HKDC1: variants seen among roughly 807,000 people sequenced by gnomAD.
HKDC1 encodes hexokinase domain containing 1, also known as hexokinase HKDC1.
In HKDC1, 66 loss-of-function variants were observed where a neutral mutation model predicts 96.6. The observed-to-expected ratio is 0.68, with a 90% CI of 0.56 to 0.84. The LOEUF is 0.84. Ranked by LOEUF, HKDC1 falls within the 40% of genes least tolerant of loss-of-function variation. The probability of loss-of-function intolerance (pLI) is 0.00; values close to 1 mark genes in which losing one functional copy is unlikely to be tolerated. For missense variants in HKDC1, 1,211 were observed against 1,208.1 expected, an observed-to-expected ratio of 1.00 and a Z score of -0.04; for synonymous variants, 466 against 473.1, an observed-to-expected ratio of 0.98 and a Z score of 0.20.
At chr10:69,251,087 C>CTTTTTTTTTTTTTTTTTTTTTTTTTT (rs869084452) in intron 12 of HKDC1, among the ~76,000 whole-genome samples, 1 of 92,690 alleles carries the variant, frequency 1.1e-5, no homozygotes, top group Non-Finnish European at 2.1e-5. Flanking sequence ...AAATACATTT[C>CTTTTTTTTTTTTTTTTTTTTTTTTTT]TTTTTTTTTT....
chr10:69,256,124 G>A (rs767907892), intron 12 of HKDC1, among the ~76,000 whole-genome samples: 7 of 152,092 alleles, frequency 4.6e-5, no homozygotes, highest in Non-Finnish European at 8.8e-5. Context: ...GTGTATATGT[G>A]TGTATGAGTG....
chr10:69,265,826 C>T lies in HKDC1; in HGVS notation c.2606+8C>T, dbSNP rs1380214404. Reference sequence around the variant, plus strand: ...GTACAAGCTGCACCCTCAGTGAGTGCCCACAAGAGGCGTGGCGGGTGGGGC... The same window carrying T: ...GTACAAGCTGCACCCTCAGTGAGTGTCCACAAGAGGCGTGGCGGGTGGGGC... On this transcript the variant is annotated splice_region_variant and intron_variant, in intron 17 of 17. Coordinates refer to ENST00000354624, the MANE Select transcript of HKDC1 (RefSeq NM_025130.4). 1.2e-6 allele frequency: 2 copies of T among 1,601,292 alleles called. No homozygotes were observed. The highest frequency in any genetic ancestry group is 8.5e-7 in the Non-Finnish European group (1 of 1,170,870).
rs1843579555 is a variant in HKDC1 at position 69,248,484 on chromosome 10, C to T, written c.1326C>T (p.Phe442=). Residue 442 remains phenylalanine (F), a synonymous_variant, in exon 10 of 18, where the codon TTC becomes TTT. Transcript: ENST00000354624. ...TGGTCCCAAGCTGTGATGTCCGCTT[C>T]CTCCTGTCAGAGAGTGGCAGCACCA... ...RKLVPSCDVR[F]LLSESGSTKG... is the part of the protein sequence containing the mutation. 1 of 1,607,628 alleles carries T rather than the reference C, an allele frequency of 6.2e-7. No individual in the cohort carries two copies. The highest frequency in any genetic ancestry group is 1.3e-5 in the African/African-American group (1 of 74,844).
chr10:69,231,059 A>G (rs991132431), intron 2 of HKDC1, among the ~76,000 whole-genome samples: 3 of 152,148 alleles, frequency 2.0e-5, no homozygotes, highest in African/African-American at 7.2e-5. Flanking sequence ...TGTGGCATCC[A>G]TGAAATGGCA....
chr10:69,257,687 G>A lies in HKDC1; in HGVS notation c.2032+261G>A, dbSNP rs531829706. The stretch of plus-strand genomic sequence containing the variant: ...AAGGACCTTGGGGCCAATTGTCATG[G>A]GGGGGGGAAGGAGACTACAGTTGGA... On this transcript the variant is annotated intron_variant, in intron 14 of 17. Transcript: ENST00000354624. 7.8e-5 allele frequency among the ~76,000 whole-genome samples: 11 copies of A among 141,168 alleles called. No individual in the cohort carries two copies. In the East Asian group the frequency reaches 1.9e-3, roughly 25 times the overall value. The allele number at this position is 141,168 out of a possible 152,430, so 92.6% of individuals were successfully genotyped here.
chr10:69,239,227 C>T lies in HKDC1; in HGVS notation c.591+90C>T, dbSNP rs116451705. On this transcript the variant is annotated intron_variant, in intron 5 of 17. Transcript: ENST00000354624. ...GGCTGGGGGTGAGGTGAGGGGGTCA[C>T]ATATGGTGCCTGCATGGAGGGAGAA... 119 of 825,738 alleles carry T rather than the reference C, an allele frequency of 1.4e-4. 1 individual carries two copies. In the African/African-American group the frequency reaches 1.9e-3, roughly 13 times the overall value. The allele number at this position is 825,738 out of a possible 1,614,324, so 51.2% of individuals were successfully genotyped here. A position where few individuals can be genotyped will look rare whatever the true frequency, so the allele number is the denominator to read the frequency against.
intron 4 of HKDC1, among the ~76,000 whole-genome samples, chr10:69,235,380 C>G (rs1261511881): frequency 6.6e-6 from 1 of 152,184 alleles, no homozygotes; most frequent in African/African-American, 2.4e-5. Context: ...TGAGATCACG[C>G]CACTGCATTC....
At chr10:69,262,191 A>C in intron 16 of HKDC1, 1 of 307,512 alleles carries the variant, frequency 3.3e-6, no homozygotes, top group South Asian at 2.7e-5. Context: ...TCTTTGGTGT[A>C]ATTATCATTT....
At chr10:69,240,030 G>A (rs527512135) in intron 5 of HKDC1, among the ~76,000 whole-genome samples, 1 of 152,324 alleles carries the variant, frequency 6.6e-6, no homozygotes, top group African/African-American at 2.4e-5. Flanking sequence ...CCATACATGG[G>A]GAAGACTTGG....
rs1843877855 is a variant in HKDC1 at position 69,265,322 on chromosome 10, G to T, written c.2373-263G>T. On this transcript the variant is annotated intron_variant, in intron 16 of 17. Coordinates refer to ENST00000354624, the MANE Select transcript of HKDC1 (RefSeq NM_025130.4). Reference sequence around the variant, plus strand: ...TGTGTTGGTTGCTGCAGCTCATATGGCTTCTAGTGAGATCACAGATATGAA... The same window carrying T: ...TGTGTTGGTTGCTGCAGCTCATATGTCTTCTAGTGAGATCACAGATATGAA... 6 of 455,438 alleles carry T rather than the reference G, an allele frequency of 1.3e-5. 1 individual carries two copies. Among genetic ancestry groups the T allele is most frequent in the Non-Finnish European group, 7.8e-6 (2 of 256,496 alleles). 28.2% of individuals were successfully genotyped at this position (455,438 alleles called of 1,614,324 possible).
chr10:69,227,202 T>C lies in HKDC1; in HGVS notation c.64-5T>C. ...GCACCCCTTGGTGGCCGGTGTCTGT[T>C]CCAGGTGGACAGGTTCCTGTATCAC... On this transcript the variant is annotated splice_polypyrimidine_tract_variant and splice_region_variant and intron_variant, in intron 1 of 17. Transcript: ENST00000354624. 6.2e-7 allele frequency: 1 copy of C among 1,614,062 alleles called. No individual in the cohort carries two copies. Among genetic ancestry groups the C allele is most frequent in the Non-Finnish European group, 8.5e-7 (1 of 1,179,958 alleles).
intron 4 of HKDC1, among the ~76,000 whole-genome samples, chr10:69,237,254 G>A (rs1005501688): frequency 2.0e-5 from 3 of 150,378 alleles, no homozygotes; most frequent in Admixed American, 6.7e-5. Context: ...GGAACAGAAA[G>A]TCTTAACCAA....
chr10:69,233,110 T>A lies in HKDC1; in HGVS notation c.472T>A (p.Cys158Ser). 6.2e-7 allele frequency: 1 copy of A among 1,614,098 alleles called. No individual in the cohort carries two copies. The change falls in exon 4 of 18, where the codon TGT becomes AGT. Residue 158 changes from cysteine to serine, a missense_variant. Coordinates refer to ENST00000354624, the MANE Select transcript of HKDC1 (RefSeq NM_025130.4). ...LPLGLTFSFPCRQTKLEEGVL... is the reference protein window; with the variant it reads ...LPLGLTFSFPSRQTKLEEGVL... The stretch of plus-strand genomic sequence containing the variant: ...CCTTGGCCTAACTTTTTCTTTCCCC[T>A]GTCGACAGACTAAACTGGAAGAGGT...
intron 17 of HKDC1, 58 bp downstream of exon 17, chr10:69,265,876 G>A: frequency 7.8e-7 from 1 of 1,280,070 alleles, no homozygotes; most frequent in Non-Finnish European, 1.1e-6. Flanking sequence ...GGCCAAGTGT[G>A]GACTTGGCAT....
At chr10:69,262,756 A>G (rs1384707763) in intron 16 of HKDC1, among the ~76,000 whole-genome samples, 1 of 152,200 alleles carries the variant, frequency 6.6e-6, no homozygotes, top group African/African-American at 2.4e-5. Context: ...GGTGTAAATT[A>G]GCAAGTGTTC....
rs1431383212 is a variant in HKDC1, at chr10:69,227,380, T to C, written c.226+11T>C. On this transcript the variant is annotated intron_variant, in intron 2 of 17. Transcript: ENST00000354624. ...TTCCCGATGGTTCCGGTGAGTGCAG[T>C]TGTCCGCTGCCAGGGTCCCTGGCTC... The C allele has an allele frequency of 6.2e-7, 1 of 1,614,030 alleles. No homozygotes were observed. The highest frequency in any genetic ancestry group is 1.1e-5 in the South Asian group (1 of 91,084).
chr10:69,228,381 T>A (rs1467771365), intron 2 of HKDC1, among the ~76,000 whole-genome samples: 1 of 152,246 alleles, frequency 6.6e-6, no homozygotes, highest in Non-Finnish European at 1.5e-5. Context: ...TGATCCCATC[T>A]GCAACCTTAA....
At chr10:69,240,533 C>T (rs1843438976) in intron 5 of HKDC1, 119 bp from the exon 6 acceptor site, 11 of 730,318 alleles carry the variant, frequency 1.5e-5, no homozygotes, top group Admixed American at 2.2e-5. Context: ...ACAGGCCCAG[C>T]AGGCAGGATC....
At chr10:69,247,697 C>T in intron 9 of HKDC1, 104 bp downstream of exon 9, 1 of 828,432 alleles carries the variant, frequency 1.2e-6, no homozygotes, top group Non-Finnish European at 1.9e-6. Context: ...GAACCAACAA[C>T]CCCTCTTGTT....
Sources: gnomAD v4.1 joint callset for allele counts (sites outside exome capture counted in the v4.1 genomes callset) on GRCh38, gnomAD v4.1.1 for gene constraint, MANE v1.5 for transcripts, NCBI Gene and HGNC (gene_info 2026-07-23, HGNC 2026-07-21) for gene names.